WDR62: variants seen among roughly 807,000 people sequenced by gnomAD.
WDR62 encodes the protein WD repeat domain 62.
Under a neutral mutation model 160.6 loss-of-function variants are expected in WDR62, and 112 were observed. That is an observed-to-expected ratio of 0.70 (90% confidence interval 0.60 to 0.82). The LOEUF is 0.82. WDR62 is among the 40% of genes least tolerant of loss of function. The pLI, the probability that WDR62 is intolerant of heterozygous loss-of-function variation, is 0.00. For synonymous variants in WDR62, 792 were observed against 815.1 expected (o/e 0.97, Z 0.48); for missense variants, 1,819 against 1,983.8 (o/e 0.92, Z 1.58).
chr19:36,090,368 A>G (rs1972516357), intron 15 of WDR62, 77 bp from the exon 16 acceptor site: 1 of 1,401,426 alleles, frequency 7.1e-7, no homozygotes, highest in East Asian at 2.3e-5. Context: ...AGGGGAGGGG[A>G]GGACAGCAAG....
intron 9 of WDR62, chr19:36,074,217 G>C (rs1395442489): frequency 1.8e-5 from 3 of 165,994 alleles, no homozygotes; most frequent in African/African-American, 7.2e-5. Flanking sequence ...AAGATCACTT[G>C]AGCCTGGGAT....
chr19:36,085,569 G>A (rs1050011089), intron 12 of WDR62, among the ~76,000 whole-genome samples: 5 of 151,812 alleles, frequency 3.3e-5, no homozygotes, highest in African/African-American at 1.2e-4. Flanking sequence ...CCTCTCGAGA[G>A]TAGCTGGGAT....
At chr19:36,062,976 G>C (rs933399414) in intron 3 of WDR62, among the ~76,000 whole-genome samples, 7 of 151,806 alleles carry the variant, frequency 4.6e-5, no homozygotes, top group Non-Finnish European at 8.8e-5. Context: ...TTTTGAGATG[G>C]AGTCTCTGTC....
At chr19:36,063,107 G>A (rs1262345690) in intron 3 of WDR62, among the ~76,000 whole-genome samples, 1 of 152,168 alleles carries the variant, frequency 6.6e-6, no homozygotes, top group Non-Finnish European at 1.5e-5. Flanking sequence ...ACCATGTCCG[G>A]CTAATTTTTG....
intron 24 of WDR62, 33 bp from the exon 25 acceptor site, chr19:36,101,631 C>G (rs1286830708): frequency 1.3e-6 from 2 of 1,488,626 alleles, no homozygotes; most frequent in Non-Finnish European, 1.8e-6. Flanking sequence ...AATGGTCAGG[C>G]TGTGGGCTCC....
Position 36,069,007 on chromosome 19 carries a change from G to A in WDR62, c.882+997G>A, listed in dbSNP as rs183353807. On this transcript the variant is annotated intron_variant, in intron 7 of 31. Transcript: ENST00000401500. ...GCGGACCCCCACCTCCCTCCCTGAC[G>A]GGCCGGCTGGCTGGGCAGGGGCTGA... Among the ~76,000 whole-genome samples the A allele has an allele frequency of 3.1e-3, 469 of 151,274 alleles. 7 individuals carry two copies. Among genetic ancestry groups the A allele is most frequent in the East Asian group, 0.023 (114 of 5,042 alleles).
rs1973202677 is a variant in WDR62, at chr19:36,099,619, TAC to T, written c.2739+7_2739+8del. 6.2e-7 allele frequency: 1 copy of T among 1,613,918 alleles called. No individual in the cohort carries two copies. On this transcript the variant is annotated splice_donor_region_variant and intron_variant, in intron 22 of 31. Coordinates refer to ENST00000401500, the MANE Select transcript of WDR62 (RefSeq NM_001083961.2). ...AGCCTGGCCAGCCTGCTGAGTGAGG[TAC>T]ACACTTCCACCGCAGCCTGGCCCAT...
chr19:36,063,225 G>A (rs1354733364), intron 3 of WDR62, among the ~76,000 whole-genome samples: 1 of 151,906 alleles, frequency 6.6e-6, no homozygotes, highest in Non-Finnish European at 1.5e-5. Context: ...TTACAGGCGT[G>A]AGCCACAGCA....
At chr19:36,110,241 C>A in the WDR62 span, among the ~76,000 whole-genome samples, 2 of 152,058 alleles carry the variant, frequency 1.3e-5, no homozygotes, top group African/African-American at 4.8e-5. Flanking sequence ...GAGGCCAAGG[C>A]AGGCGGATCA....
chr19:36,090,519 A>G lies in WDR62; in HGVS notation c.2033A>G (p.Lys678Arg). The G allele has an allele frequency of 1.7e-5, 27 of 1,614,020 alleles. No homozygotes were observed. The highest frequency in any genetic ancestry group is 2.1e-5 in the Non-Finnish European group (25 of 1,179,934). The change falls in exon 16 of 32, where the codon AAG (lysine) becomes AGG (arginine). Residue 678 changes from lysine to arginine, a missense_variant and splice_region_variant. Physicochemically the swap from Lys to Arg is conservative, Grantham distance 26. Coordinates refer to ENST00000401500, the MANE Select transcript of WDR62 (RefSeq NM_001083961.2). ...CAGGGTGACGAAGGGTCCTTGCTGA[A>G]GGTGAGGAGTTGGAGACCCCTGTCT... is the stretch of plus-strand genomic sequence containing the variant. ...GSQGDEGSLL[K>R]VHVDPSGTFL...
chr19:36,099,536 T>C lies in WDR62; in HGVS notation c.2658T>C (p.Phe886=), dbSNP rs375722028. The part of the protein sequence containing the change: ...ILDAQDLDCY[F]TPMKPESLEN... ...ATGCCCAGGACCTGGATTGCTACTT[T>C]ACCCCCATGAAGCCCGAGAGTCTGG... Residue 886 remains phenylalanine (F), a synonymous_variant, in exon 22 of 32, where the codon TTT becomes TTC. Transcript: ENST00000401500. The C allele has an allele frequency of 6.2e-7, 1 of 1,614,198 alleles. No homozygotes were observed. Among genetic ancestry groups the C allele is most frequent in the South Asian group, 1.1e-5 (1 of 91,090 alleles).
At chr19:36,102,675 G>GC in intron 26 of WDR62, 62 bp from the exon 27 acceptor site, 1 of 1,508,668 alleles carries the variant, frequency 6.6e-7, no homozygotes. Context: ...CTGTGGGCTG[G>GC]CCTAGGGCCA....
At chr19:36,081,988 G>T in intron 10 of WDR62, 1 of 374,162 alleles carries the variant, frequency 2.7e-6, no homozygotes. Flanking sequence ...ATGATGGGAG[G>T]CTGGGAAGAA....
rs1235472504 is a variant in WDR62, at chr19:36,092,140, G to A, written c.2211-549G>A. Among the ~76,000 whole-genome samples, 9 of 151,908 alleles carry A rather than the reference G, an allele frequency of 5.9e-5. No homozygotes were observed. The East Asian group carries it at 1.4e-3, about 23-fold the overall frequency. ...AGCCTGGTCAACATGGAGAAACTGT[G>A]TCTCTACTAAAAATACAAAAATTAG... On this transcript the variant is annotated intron_variant, in intron 18 of 31. Coordinates refer to ENST00000401500, the MANE Select transcript of WDR62 (RefSeq NM_001083961.2).
intron 2 of WDR62, chr19:36,059,103 T>C (rs990927720): frequency 3.0e-6 from 2 of 668,272 alleles, no homozygotes; most frequent in East Asian, 3.0e-5. Context: ...AGGGGGGAGG[T>C]GACAGCGATT....
chr19:36,106,676 G>A (rs113653060), downstream of WDR62, among the ~76,000 whole-genome samples: 201 of 152,352 alleles, frequency 1.3e-3, 1 homozygote, highest in African/African-American at 4.7e-3. Context: ...GGAAGCAAGA[G>A]GAGCGAAGCC....
At chr19:36,082,810 A>C (rs1250371718) in intron 10 of WDR62, among the ~76,000 whole-genome samples, 1 of 152,202 alleles carries the variant, frequency 6.6e-6, no homozygotes, top group Non-Finnish European at 1.5e-5. Flanking sequence ...ATCATATCTG[A>C]GTTCCAGGCT....
chr19:36,101,498 C>A, intron 24 of WDR62, 166 bp from the exon 25 acceptor site: 1 of 786,054 alleles, frequency 1.3e-6, no homozygotes, highest in Non-Finnish European at 2.2e-6. Flanking sequence ...GAGCCCAGCT[C>A]TGCCACCTCC....
downstream of WDR62, among the ~76,000 whole-genome samples, chr19:36,107,583 C>A (rs189779551): frequency 9.9e-5 from 15 of 151,978 alleles, no homozygotes; most frequent in African/African-American, 3.4e-4. Context: ...AGATCTCTCC[C>A]AGGGGTCTCC....
Sources: allele counts gnomAD v4.1 joint callset (sites outside exome capture counted in the v4.1 genomes callset), GRCh38; gene constraint gnomAD v4.1.1; transcripts MANE v1.5; gene names NCBI Gene and HGNC (gene_info 2026-07-23, HGNC 2026-07-21).